Variants in OLA1 observed in about 807,000 individuals in gnomAD.
The protein encoded by OLA1 is Obg like ATPase 1.
Under a neutral mutation model 48.4 loss-of-function variants are expected in OLA1, and 14 were observed. The observed-to-expected ratio is 0.29, with a 90% CI of 0.19 to 0.45. OLA1 has a LOEUF of 0.45. Ranked by LOEUF, OLA1 falls within the 20% of genes least tolerant of loss-of-function variation. The probability of loss-of-function intolerance (pLI) is 1.00; values close to 1 mark genes in which losing one functional copy is unlikely to be tolerated. For synonymous variants in OLA1, 127 were observed against 150.4 expected, an observed-to-expected ratio of 0.84 and a Z score of 1.14; for missense variants, 325 against 467.1, an observed-to-expected ratio of 0.70 and a Z score of 2.80.
intron 4 of OLA1, among the ~76,000 whole-genome samples, chr2:174,144,951 A>AAAAAAAAAAAATAT (rs1181030817): frequency 5.0e-5 from 2 of 40,292 alleles, no homozygotes; most frequent in Non-Finnish European, 8.0e-5. Flanking sequence ...AAAAAAAAAA[A>AAAAAAAAAAAATAT]ATATATATAT....
intron 4 of OLA1, among the ~76,000 whole-genome samples, chr2:174,157,947 G>A (rs6749799): frequency 0.25 from 38,473 of 152,014 alleles, 6,847 homozygotes; most frequent in East Asian, 0.71. Context: ...AAACATGTAA[G>A]AAAGGATAAG....
chr2:174,107,393 TC>T (rs1345547722), intron 7 of OLA1, among the ~76,000 whole-genome samples: 11 of 152,234 alleles, frequency 7.2e-5, no homozygotes, highest in African/African-American at 2.6e-4. Flanking sequence ...CAAAGCAATT[TC>T]CCACAGTGGG....
chr2:174,164,557 T>A (rs1383335954), intron 4 of OLA1, among the ~76,000 whole-genome samples: 1 of 152,176 alleles, frequency 6.6e-6, no homozygotes, highest in African/African-American at 2.4e-5. Context: ...TATTATGAAG[T>A]ATTACCAAGA....
intron 7 of OLA1, among the ~76,000 whole-genome samples, chr2:174,097,788 G>A (rs2105350438): frequency 6.6e-6 from 1 of 151,972 alleles, no homozygotes; most frequent in Middle Eastern, 3.4e-3. Flanking sequence ...GGATGCGTAT[G>A]ACAGAACCCA....
At chr2:174,235,941 G>A (rs139102446) in intron 2 of OLA1, among the ~76,000 whole-genome samples, 154 of 152,224 alleles carry the variant, frequency 1.0e-3, no homozygotes, top group African/African-American at 2.8e-3. Flanking sequence ...AAGGGAATTT[G>A]GATAGAGTCC....
intron 7 of OLA1, among the ~76,000 whole-genome samples, chr2:174,087,721 C>A (rs945529850): frequency 6.6e-6 from 1 of 152,134 alleles, no homozygotes; most frequent in Admixed American, 6.6e-5. Flanking sequence ...CTCCAGCATA[C>A]GTTAATAAGA....
chr2:174,247,659 T>G, intron 1 of OLA1: 3 of 1,551,006 alleles, frequency 1.9e-6, no homozygotes, highest in Non-Finnish European at 2.6e-6. Flanking sequence ...TTCACATAGA[T>G]GAACACCCAC....
chr2:174,238,238 G>GT (rs1365785520), intron 2 of OLA1, among the ~76,000 whole-genome samples: 1 of 152,158 alleles, frequency 6.6e-6, no homozygotes, highest in African/African-American at 2.4e-5. Context: ...GCTCATACCT[G>GT]TAATCCCAGC....
intron 7 of OLA1, among the ~76,000 whole-genome samples, chr2:174,100,236 A>G (rs1435244306): frequency 6.6e-6 from 1 of 152,206 alleles, no homozygotes; most frequent in Non-Finnish European, 1.5e-5. Context: ...GTATTTATTA[A>G]ATATTTACTA....
At chr2:174,141,026 G>C (rs1359686468) in intron 5 of OLA1, among the ~76,000 whole-genome samples, 1 of 152,102 alleles carries the variant, frequency 6.6e-6, no homozygotes, top group South Asian at 2.1e-4. Context: ...CCGCCTCCCG[G>C]GTTCAAGCAA....
intron 4 of OLA1, among the ~76,000 whole-genome samples, chr2:174,203,757 T>G (rs1410570302): frequency 2.0e-5 from 3 of 152,088 alleles, no homozygotes; most frequent in Non-Finnish European, 2.9e-5. Flanking sequence ...TCCCTATGTA[T>G]ACTGTACAAT....
At chr2:174,112,909 A>T (rs192279337) in intron 7 of OLA1, among the ~76,000 whole-genome samples, 1 of 152,228 alleles carries the variant, frequency 6.6e-6, no homozygotes, top group East Asian at 1.9e-4. Context: ...TTTCTATAAC[A>T]TCAACTCCCT....
intron 4 of OLA1, among the ~76,000 whole-genome samples, chr2:174,153,952 G>C (rs1273219887): frequency 2.0e-5 from 3 of 152,120 alleles, no homozygotes; most frequent in Non-Finnish European, 4.4e-5. Context: ...TTGCAGCCTT[G>C]ATCTCCTGGT....
chr2:174,143,763 A>C (rs771133201), intron 4 of OLA1, among the ~76,000 whole-genome samples: 2 of 152,204 alleles, frequency 1.3e-5, no homozygotes, highest in Non-Finnish European at 2.9e-5. Context: ...AAAAAAGAGA[A>C]TAAAGGAGGA....
At chr2:174,167,032 A>C (rs1306148794) in intron 4 of OLA1, among the ~76,000 whole-genome samples, 3 of 152,196 alleles carry the variant, frequency 2.0e-5, no homozygotes, top group Admixed American at 1.3e-4. Flanking sequence ...AAAGGAGTCA[A>C]CAATTATGTC....
chr2:174,233,819 T>C (rs911553495), intron 2 of OLA1, among the ~76,000 whole-genome samples: 28 of 152,172 alleles, frequency 1.8e-4, no homozygotes, highest in African/African-American at 6.8e-4. Flanking sequence ...CTGTCAAAGA[T>C]TGGAGGAGAT....
chr2:174,184,122 A>G (rs958698762), intron 4 of OLA1, among the ~76,000 whole-genome samples: 6 of 152,182 alleles, frequency 3.9e-5, no homozygotes, highest in African/African-American at 1.4e-4. Context: ...TGAACATGAA[A>G]ACTAACATCT....
intron 4 of OLA1, among the ~76,000 whole-genome samples, chr2:174,144,646 T>C (rs1477452149): frequency 2.0e-5 from 3 of 151,916 alleles, no homozygotes; most frequent in African/African-American, 7.3e-5. Flanking sequence ...GTACAAGATT[T>C]AATGCTTAAG....
intron 4 of OLA1, among the ~76,000 whole-genome samples, chr2:174,191,442 T>C (rs1687775717): frequency 6.6e-6 from 1 of 151,926 alleles, no homozygotes; most frequent in Non-Finnish European, 1.5e-5. Context: ...ATGAAAATTC[T>C]TTTCTTTTTT....
Sources: gnomAD v4.1 joint callset for allele counts (sites outside exome capture counted in the v4.1 genomes callset) on GRCh38, gnomAD v4.1.1 for gene constraint, MANE v1.5 for transcripts, NCBI Gene and HGNC (gene_info 2026-07-23, HGNC 2026-07-21) for gene names.